Variants in ZDHHC14 observed in about 807,000 individuals in gnomAD.
ZDHHC14 encodes zDHHC palmitoyltransferase 14.
Under a neutral mutation model 47.7 loss-of-function variants are expected in ZDHHC14, and 16 were observed. The observed-to-expected ratio is 0.34, with a 90% CI of 0.23 to 0.51. The LOEUF (loss-of-function observed/expected upper bound fraction) is 0.51, where lower values mean the gene tolerates loss of function less well. ZDHHC14 is among the 20% of genes least tolerant of loss of function. The pLI is 0.97. For missense variants in ZDHHC14, 515 were observed against 662.5 expected, an observed-to-expected ratio of 0.78 and a Z score of 2.44; for synonymous variants, 293 against 278.9, an observed-to-expected ratio of 1.05 and a Z score of -0.50.
chr6:157,436,318 T>C (rs1241473114), intron 1 of ZDHHC14, among the ~76,000 whole-genome samples: 2 of 152,192 alleles, frequency 1.3e-5, no homozygotes, highest in Non-Finnish European at 2.9e-5. Flanking sequence ...ATCTGTCAAA[T>C]GCTTGCCACT....
chr6:157,575,693 T>A (rs1243199140), intron 2 of ZDHHC14, among the ~76,000 whole-genome samples: 1 of 152,236 alleles, frequency 6.6e-6, no homozygotes, highest in East Asian at 1.9e-4. Flanking sequence ...TGGGAAGAGT[T>A]CCTGCCCCAG....
At chr6:157,505,525 G>C (rs1052693404) in intron 1 of ZDHHC14, among the ~76,000 whole-genome samples, 1 of 152,210 alleles carries the variant, frequency 6.6e-6, no homozygotes, top group Admixed American at 6.5e-5. Flanking sequence ...GAGTGCAGTA[G>C]AGTGGCAAAG....
At chr6:157,635,229 G>A (rs1323714175) in intron 5 of ZDHHC14, among the ~76,000 whole-genome samples, 2 of 152,096 alleles carry the variant, frequency 1.3e-5, no homozygotes, top group Non-Finnish European at 2.9e-5. Context: ...TCCTGACCTC[G>A]TGATCTGCCT....
chr6:157,599,360 A>G (rs546156186), intron 3 of ZDHHC14, among the ~76,000 whole-genome samples: 14 of 152,338 alleles, frequency 9.2e-5, no homozygotes, highest in African/African-American at 2.2e-4. Flanking sequence ...ACCACCACTG[A>G]GTTCCCTCTG....
chr6:157,593,145 A>G lies in ZDHHC14; in HGVS notation c.564A>G (p.Val188=), dbSNP rs1783982838. The G allele has an allele frequency of 1.2e-6, 2 of 1,610,804 alleles. No homozygotes were observed. The highest frequency in any genetic ancestry group is 1.3e-5 in the African/African-American group (1 of 74,842). ...ATTGCAGCCTTTGTGATAACTGCGTAGGTGAGTAGTGCCTGGGCGGAGCCT... is the reference window on the plus strand; with the variant it reads ...ATTGCAGCCTTTGTGATAACTGCGTGGGTGAGTAGTGCCTGGGCGGAGCCT... ...ASHCSLCDNC[V]ERFDHHCPWV... is the part of the protein sequence containing the mutation. Residue 188 remains valine (V), a splice_region_variant and synonymous_variant, in exon 3 of 9, where the codon GTA becomes GTG. Coordinates refer to ENST00000359775, the MANE Select transcript of ZDHHC14 (RefSeq NM_024630.3).
rs1363025016 is a variant in ZDHHC14 at position 157,674,605 on chromosome 6, A to G, written c.*1483A>G. On this transcript the variant is annotated 3_prime_UTR_variant, in exon 9 of 9. Coordinates refer to ENST00000359775, the MANE Select transcript of ZDHHC14 (RefSeq NM_024630.3). ...AGCCATGGCCTTGCTCCTTATAACC[A>G]TATGAAAGACAAGACACATTGACCA... is the stretch of plus-strand genomic sequence containing the variant. 1 of 152,204 alleles carries G rather than the reference A, an allele frequency of 6.6e-6. No homozygotes were observed. The highest frequency in any genetic ancestry group is 1.5e-5 in the Non-Finnish European group (1 of 68,032). The allele number at this position is 152,204 out of a possible 1,614,324, so 9.4% of individuals were successfully genotyped here. A position where few individuals can be genotyped will look rare whatever the true frequency, so the allele number is the denominator to read the frequency against.
At chr6:157,640,323 A>C (rs1777189691) in intron 5 of ZDHHC14, among the ~76,000 whole-genome samples, 1 of 152,254 alleles carries the variant, frequency 6.6e-6, no homozygotes, top group Non-Finnish European at 1.5e-5. Context: ...AGGCTGTGAC[A>C]GAAAGCGTTT....
At position 157,550,794 on chromosome 6, in the gene ZDHHC14, A is replaced by G. The variant is rs139430459; in HGVS notation, c.406+8049A>G. Among the ~76,000 whole-genome samples the G allele has an allele frequency of 4.5e-4, 68 of 152,354 alleles. 1 individual carries two copies. Among genetic ancestry groups the G allele is most frequent in the African/African-American group, 1.3e-3 (56 of 41,580 alleles). ...CTTCCTTTCAGGTAAGGGGAAGTCT[A>G]TCTTTCTCTTACTGCACCAATGTCA... On this transcript the variant is annotated intron_variant, in intron 2 of 8. Transcript: ENST00000359775.
intron 1 of ZDHHC14, among the ~76,000 whole-genome samples, chr6:157,445,902 G>A (rs1421640637): frequency 6.6e-6 from 1 of 152,146 alleles, no homozygotes. Context: ...AAATTATCCA[G>A]GGCAAAGTCA....
intron 2 of ZDHHC14, among the ~76,000 whole-genome samples, chr6:157,590,486 GC>G (rs1783866873): frequency 6.6e-6 from 1 of 152,248 alleles, no homozygotes; most frequent in African/African-American, 2.4e-5. Flanking sequence ...CAAGCCCCAA[GC>G]CTTGGTAGCT....
intron 1 of ZDHHC14, among the ~76,000 whole-genome samples, chr6:157,481,988 G>GA (rs1480759373): frequency 2.6e-5 from 4 of 152,200 alleles, no homozygotes; most frequent in Non-Finnish European, 4.4e-5. Flanking sequence ...CTTGAGCTCA[G>GA]AGAGTACATC....
chr6:157,413,281 C>T (rs886521499), intron 1 of ZDHHC14, among the ~76,000 whole-genome samples: 4 of 152,168 alleles, frequency 2.6e-5, no homozygotes, highest in African/African-American at 9.7e-5. Flanking sequence ...CCACAGCAGA[C>T]GACTGGGGAC....
chr6:157,476,244 C>T (rs1232674312), intron 1 of ZDHHC14, among the ~76,000 whole-genome samples: 1 of 152,084 alleles, frequency 6.6e-6, no homozygotes, highest in Non-Finnish European at 1.5e-5. Flanking sequence ...AGGAGACTTA[C>T]ATCTGATACG....
intron 1 of ZDHHC14, among the ~76,000 whole-genome samples, chr6:157,426,906 A>G (rs1778233953): frequency 6.6e-6 from 1 of 152,232 alleles, no homozygotes; most frequent in Non-Finnish European, 1.5e-5. Flanking sequence ...TTGAAAAGTG[A>G]CAGCTGGGGC....
chr6:157,668,567 G>A (rs1280419607), intron 8 of ZDHHC14, among the ~76,000 whole-genome samples: 1 of 151,684 alleles, frequency 6.6e-6, no homozygotes, highest in Non-Finnish European at 1.5e-5. Context: ...AGGCATGGTG[G>A]TGCGTGCCTG....
rs144324192 is a variant in ZDHHC14 at position 157,613,832 on chromosome 6, T to A, written c.566-14517T>A. 3.7e-3 allele frequency among the ~76,000 whole-genome samples: 568 copies of A among 152,160 alleles called. 4 individuals are homozygous for A. The highest frequency in any genetic ancestry group is 0.013 in the African/African-American group (536 of 41,496). On this transcript the variant is annotated intron_variant, in intron 3 of 8. Coordinates refer to ENST00000359775, the MANE Select transcript of ZDHHC14 (RefSeq NM_024630.3). ...GAGTGCACGAGAGTGAAGGGATCCA[T>A]AGCTGTCATCAGAGTTTTAAACCAG...
chr6:157,660,775 C>T (rs1232465176), intron 8 of ZDHHC14, among the ~76,000 whole-genome samples: 2 of 152,202 alleles, frequency 1.3e-5, no homozygotes, highest in Admixed American at 1.3e-4. Flanking sequence ...CCTTCAAACT[C>T]TCTTGTTCTC....
chr6:157,484,499 T>C lies in ZDHHC14; in HGVS notation c.246-58086T>C, dbSNP rs557850536. Among the ~76,000 whole-genome samples, 226 of 146,962 alleles carry C rather than the reference T, an allele frequency of 1.5e-3. No individual in the cohort carries two copies. The Middle Eastern group carries it at 0.025, about 16-fold the overall frequency. The stretch of plus-strand genomic sequence containing the variant: ...TTATATATACACACACAAATAGAGG[T>C]ATATAACAAATCTGCATACGTACCC... On this transcript the variant is annotated intron_variant, in intron 1 of 8. Coordinates refer to ENST00000359775, the MANE Select transcript of ZDHHC14 (RefSeq NM_024630.3).
chr6:157,507,031 G>GT (rs1449707166), intron 1 of ZDHHC14, among the ~76,000 whole-genome samples: 1 of 152,032 alleles, frequency 6.6e-6, no homozygotes, highest in Non-Finnish European at 1.5e-5. Flanking sequence ...AGTTTCAACT[G>GT]TTTTTGGTAT....
Sources: allele counts gnomAD v4.1 joint callset (sites outside exome capture counted in the v4.1 genomes callset), GRCh38; gene constraint gnomAD v4.1.1; transcripts MANE v1.5; gene names NCBI Gene and HGNC (gene_info 2026-07-23, HGNC 2026-07-21).